RASGRP3: variants seen among roughly 807,000 people sequenced by gnomAD.
The protein encoded by RASGRP3 is ras guanyl-releasing protein 3.
In RASGRP3, 54 loss-of-function variants were observed where a neutral mutation model predicts 82.7. The ratio of observed to expected loss-of-function variants is 0.65; its 90% CI spans 0.52 to 0.82. RASGRP3 has a LOEUF of 0.82. RASGRP3 is among the 40% of genes least tolerant of loss of function. RASGRP3 has a pLI of 0.00. For missense variants in RASGRP3, 861 were observed against 828.9 expected (o/e 1.04, Z -0.48); for synonymous variants, 309 against 300.5 (o/e 1.03, Z -0.29).
chr2:33,556,928 C>CACACACACACACACAT (rs1553366467), intron 15 of RASGRP3, among the ~76,000 whole-genome samples: 1 of 148,306 alleles, frequency 6.7e-6, no homozygotes, highest in Non-Finnish European at 1.5e-5. Context: ...CACACACACA[C>CACACACACACACACAT]GCAATTTTAT....
intron 1 of RASGRP3, among the ~76,000 whole-genome samples, chr2:33,501,716 T>C (rs1669892880): frequency 6.6e-6 from 1 of 152,180 alleles, no homozygotes; most frequent in African/African-American, 2.4e-5. Context: ...CTGAAGCCAC[T>C]TCTGTGGATG....
rs552047834 is a variant in RASGRP3, at chr2:33,504,188, C to T, written c.-260-7522C>T. On this transcript the variant is annotated intron_variant, in intron 1 of 17. Transcript: ENST00000403687. ...TATTTCCAACCACCTTACTGTCTGA[C>T]ACTATTGGACTTAGCCTGTATTTTC... Among the ~76,000 whole-genome samples, 19 of 152,270 alleles carry T rather than the reference C, an allele frequency of 1.2e-4. No individual in the cohort carries two copies. The East Asian group carries it at 2.7e-3, about 22-fold the overall frequency.
intron 17 of RASGRP3, among the ~76,000 whole-genome samples, chr2:33,561,485 T>C (rs1676649979): frequency 6.6e-6 from 1 of 152,242 alleles, no homozygotes; most frequent in Non-Finnish European, 1.5e-5. Flanking sequence ...GGTATACAGT[T>C]CCAGTACCAT....
intron 1 of RASGRP3, among the ~76,000 whole-genome samples, chr2:33,501,530 A>G (rs1489783154): frequency 6.6e-6 from 1 of 152,216 alleles, no homozygotes; most frequent in Non-Finnish European, 1.5e-5. Flanking sequence ...GATGAGGGTG[A>G]GATACGAAAA....
At chr2:33,525,050 C>T (rs1194672727) in intron 9 of RASGRP3, among the ~76,000 whole-genome samples, 1 of 135,278 alleles carries the variant, frequency 7.4e-6, no homozygotes, top group African/African-American at 2.8e-5. Flanking sequence ...CACTGCACTC[C>T]AACCTGGGCG....
chr2:33,479,581 TG>T (rs1355720724), intron 1 of RASGRP3, among the ~76,000 whole-genome samples: 13 of 152,006 alleles, frequency 8.6e-5, no homozygotes, highest in Middle Eastern at 3.4e-3. Context: ...GTGTAAGGGG[TG>T]GGTCACGGGG....
At chr2:33,503,427 T>C (rs1015592682) in intron 1 of RASGRP3, among the ~76,000 whole-genome samples, 1 of 152,200 alleles carries the variant, frequency 6.6e-6, no homozygotes, top group African/African-American at 2.4e-5. Flanking sequence ...AGACATATCG[T>C]TGGCTCTTGA....
At chr2:33,546,849 C>T (rs1032935784) in intron 13 of RASGRP3, among the ~76,000 whole-genome samples, 1 of 152,078 alleles carries the variant, frequency 6.6e-6, no homozygotes, top group Non-Finnish European at 1.5e-5. Flanking sequence ...AGGCGGAACA[C>T]CTGAGTCGGG....
chr2:33,452,789 A>T (rs1665867735), intron 2 of RASGRP3, among the ~76,000 whole-genome samples: 2 of 151,862 alleles, frequency 1.3e-5, no homozygotes, highest in Non-Finnish European at 2.9e-5. Context: ...GTGCTGTTGT[A>T]TTGGTGTGGT....
rs951987452 is a variant in RASGRP3, at chr2:33,564,352, G to A, written c.*1615G>A. On this transcript the variant is annotated 3_prime_UTR_variant, in exon 18 of 18. Transcript: ENST00000403687. ...TGTGAAGTTATCAGTTGGAGGAGCT[G>A]TGATTAAGCTGGATAATAAGAGAAC... 6.6e-6 allele frequency: 1 copy of A among 152,202 alleles called. No homozygotes were observed. Among genetic ancestry groups the A allele is most frequent in the Non-Finnish European group, 1.5e-5 (1 of 68,038 alleles). The allele number at this position is 152,202 out of a possible 1,614,324, so 9.4% of individuals were successfully genotyped here. A position where few individuals can be genotyped will look rare whatever the true frequency, so the allele number is the denominator to read the frequency against.
At position 33,563,280 on chromosome 2, in the gene RASGRP3, C is replaced by T. The variant is rs996165156; in HGVS notation, c.*543C>T. On this transcript the variant is annotated 3_prime_UTR_variant, in exon 18 of 18. Coordinates refer to ENST00000403687, the MANE Select transcript of RASGRP3 (RefSeq NM_001139488.2). ...CCAGAACTTAACATTTTCCTGAGGA[C>T]TAGGAAGCTCATCAGACACTGGAAT... 1 of 152,784 alleles carries T rather than the reference C, an allele frequency of 6.5e-6. No homozygotes were observed. The highest frequency in any genetic ancestry group is 2.4e-5 in the African/African-American group (1 of 41,344). The allele number at this position is 152,784 out of a possible 1,614,324, so 9.5% of individuals were successfully genotyped here.
chr2:33,441,405 T>G (rs1665219241), intron 1 of RASGRP3, among the ~76,000 whole-genome samples: 1 of 152,196 alleles, frequency 6.6e-6, no homozygotes, highest in African/African-American at 2.4e-5. Context: ...CAACCTCCTC[T>G]CCTTGTCCCT....
Position 33,483,003 on chromosome 2 carries a change from C to T in RASGRP3, c.-261+6296C>T, listed in dbSNP as rs560973545. Reference sequence around the variant, plus strand: ...ACTGTAATAATCAGAAATTTCTTCACCTTTCAAGAGGACAAAAGGGAACAA... The same window carrying T: ...ACTGTAATAATCAGAAATTTCTTCATCTTTCAAGAGGACAAAAGGGAACAA... On this transcript the variant is annotated intron_variant, in intron 1 of 17. Transcript: ENST00000403687. The T allele has an allele frequency of 3.3e-5, 5 of 151,058 alleles. No individual in the cohort carries two copies. The South Asian group carries it at 1.1e-3, about 32-fold the overall frequency. 9.4% of individuals were successfully genotyped at this position (151,058 alleles called of 1,614,324 possible).
intron 2 of RASGRP3, among the ~76,000 whole-genome samples, chr2:33,460,660 A>C (rs1021278578): frequency 1.3e-5 from 2 of 151,812 alleles, no homozygotes; most frequent in African/African-American, 4.8e-5. Context: ...GACTACAGGC[A>C]CAAGCCGCCA....
chr2:33,561,471 A>G lies in RASGRP3; in HGVS notation c.2065-1258A>G, dbSNP rs142006224. Among the ~76,000 whole-genome samples, 774 of 152,334 alleles carry G rather than the reference A, an allele frequency of 5.1e-3. 6 individuals are homozygous for G. Among genetic ancestry groups the G allele is most frequent in the African/African-American group, 0.018 (745 of 41,580 alleles). ...GTATGCTCTTATATGAAATGCATAT[A>G]TATGGTATACAGTTCCAGTACCATT... On this transcript the variant is annotated intron_variant, in intron 17 of 17. Transcript: ENST00000403687.
At chr2:33,472,958 A>G (rs1667147378), upstream of RASGRP3, among the ~76,000 whole-genome samples, 1 of 151,972 alleles carries the variant, frequency 6.6e-6, no homozygotes, top group Admixed American at 6.6e-5. Context: ...TGAGGGAAAA[A>G]AAGCCAAGCC....
chr2:33,500,918 G>T (rs764343472), intron 1 of RASGRP3, among the ~76,000 whole-genome samples: 1 of 152,200 alleles, frequency 6.6e-6, no homozygotes. Context: ...TGGCAACGGA[G>T]CAAGACTCCG....
intron 12 of RASGRP3, among the ~76,000 whole-genome samples, chr2:33,540,688 T>C (rs1284972704): frequency 7.0e-6 from 1 of 142,322 alleles, no homozygotes; most frequent in Non-Finnish European, 1.6e-5. Context: ...TTTCTCCAAA[T>C]TCCTTACCAT....
chr2:33,498,316 A>G (rs1466578303), intron 1 of RASGRP3, among the ~76,000 whole-genome samples: 1 of 152,216 alleles, frequency 6.6e-6, no homozygotes, highest in African/African-American at 2.4e-5. Context: ...CACACAGTAA[A>G]TTAAATAACT....
Sources: gnomAD v4.1 joint callset for allele counts (sites outside exome capture counted in the v4.1 genomes callset) on GRCh38, gnomAD v4.1.1 for gene constraint, MANE v1.5 for transcripts, NCBI Gene and HGNC (gene_info 2026-07-23, HGNC 2026-07-21) for gene names.